DLGAP4: variants seen among roughly 807,000 people sequenced by gnomAD.
DLGAP4 encodes the protein DLG associated protein 4.
DLGAP4 carries 18 observed loss-of-function variants against 86.9 expected under a neutral mutation model. The observed-to-expected ratio is 0.21, with a 90% CI of 0.14 to 0.31. DLGAP4 has a LOEUF of 0.31. Among genes scored for constraint, DLGAP4 ranks in the 10% least tolerant of loss-of-function variants. The pLI is 1.00. For synonymous variants in DLGAP4, 548 were observed against 574.3 expected, an observed-to-expected ratio of 0.95 and a Z score of 0.65; for missense variants, 1,085 against 1,362.6, an observed-to-expected ratio of 0.80 and a Z score of 3.21.
intron 7 of DLGAP4, among the ~76,000 whole-genome samples, chr20:36,495,976 A>G (rs2035868793): frequency 6.6e-6 from 1 of 152,106 alleles, no homozygotes; most frequent in African/African-American, 2.4e-5. Context: ...AGGTTCAAGC[A>G]GTTCTCCTGC....
chr20:36,425,378 G>GAT (rs1485639193), intron 2 of DLGAP4, among the ~76,000 whole-genome samples: 4 of 152,188 alleles, frequency 2.6e-5, no homozygotes, highest in Non-Finnish European at 5.9e-5. Flanking sequence ...GCCACAGGGA[G>GAT]ATACCAGTTC....
intron 7 of DLGAP4, chr20:36,461,672 G>GCCCCCC: frequency 2.1e-5 from 1 of 47,820 alleles, no homozygotes; most frequent in Non-Finnish European, 2.7e-5. Context: ...CGCCCGGCCC[G>GCCCCCC]GCCCGGCCCT....
At chr20:36,354,715 C>G (rs2147393826) in intron 1 of DLGAP4, among the ~76,000 whole-genome samples, 2 of 152,212 alleles carry the variant, frequency 1.3e-5, no homozygotes, top group South Asian at 4.2e-4. Flanking sequence ...TCACTTGAGC[C>G]TAAGAGTTTG....
intron 2 of DLGAP4, among the ~76,000 whole-genome samples, chr20:36,422,992 G>A (rs2032870131): frequency 6.6e-6 from 1 of 152,134 alleles, no homozygotes; most frequent in African/African-American, 2.4e-5. Flanking sequence ...GGGTGGCTGA[G>A]GGCCTGTCAC....
At position 36,527,314 on chromosome 20, in the gene DLGAP4, G is replaced by A. The variant is rs45451895; in HGVS notation, c.*283G>A. 1,205 of 283,006 alleles carry A rather than the reference G, an allele frequency of 4.3e-3. 7 individuals carry two copies. Among genetic ancestry groups the A allele is most frequent in the Middle Eastern group, 0.011 (9 of 850 alleles). 17.5% of individuals were successfully genotyped at this position (283,006 alleles called of 1,614,324 possible). A position where few individuals can be genotyped will look rare whatever the true frequency, so the allele number is the denominator to read the frequency against. On this transcript the variant is annotated 3_prime_UTR_variant, in exon 13 of 13. Coordinates refer to ENST00000339266, the MANE Select transcript of DLGAP4 (RefSeq NM_001365621.2). ...GTGGTGGACTAGATAGATGGACGTC[G>A]GCAACTCCCGGCCCAGCCTCCATAC...
intron 7 of DLGAP4, among the ~76,000 whole-genome samples, chr20:36,469,139 G>C (rs2034545987): frequency 6.6e-6 from 1 of 152,156 alleles, no homozygotes; most frequent in East Asian, 1.9e-4. Context: ...GCTCACTGTG[G>C]CTGAGCTACT....
intron 1 of DLGAP4, among the ~76,000 whole-genome samples, chr20:36,329,647 A>T (rs933992506): frequency 6.6e-6 from 1 of 152,236 alleles, no homozygotes; most frequent in African/African-American, 2.4e-5. Flanking sequence ...CTGTAATCCC[A>T]GCACTTTGGG....
chr20:36,365,875 C>T (rs1248878185), intron 1 of DLGAP4, among the ~76,000 whole-genome samples: 1 of 152,174 alleles, frequency 6.6e-6, no homozygotes, highest in Non-Finnish European at 1.5e-5. Flanking sequence ...AGGGCTCAGA[C>T]GTGGAAAGCC....
At position 36,462,691 on chromosome 20, in the gene DLGAP4, G is replaced by A. The variant is rs1307938011; in HGVS notation, c.1648+15754G>A. On this transcript the variant is annotated intron_variant, in intron 7 of 12. Transcript: ENST00000339266. Reference sequence around the variant, plus strand: ...GGGGTTGGCGCTGGGGCAAGGGCTGGCGCTAGGGCAAGGGGGCTCTGAGGC... The same window carrying A: ...GGGGTTGGCGCTGGGGCAAGGGCTGACGCTAGGGCAAGGGGGCTCTGAGGC... 2.7e-6 allele frequency: 4 copies of A among 1,494,734 alleles called. No homozygotes were observed. The African/African-American group carries it at 5.8e-5, about 22-fold the overall frequency. The allele number at this position is 1,494,734 out of a possible 1,614,324, so 92.6% of individuals were successfully genotyped here.
Position 36,500,513 on chromosome 20 carries a change from A to G in DLGAP4, c.2414A>G (p.Tyr805Cys). The change falls in exon 10 of 13, where the codon TAC (tyrosine) becomes TGC (cysteine). Residue 805 changes from tyrosine (Y) to cysteine (C), a missense_variant. Physicochemically the swap from Tyr to Cys is radical, Grantham distance 194. Transcript: ENST00000339266. This position sits in a 1 kb window ranked among gnomAD's most constrained non-coding sequence, Gnocchi z 4.6. ...CCAGGGGCCTGCCGCCGAGACGGCTACTGGTTCCTAAAGCTACTGCAGGCA... is the reference window on the plus strand; with the variant it reads ...CCAGGGGCCTGCCGCCGAGACGGCTGCTGGTTCCTAAAGCTACTGCAGGCA... ...AQPGACRRDG[Y>C]WFLKLLQAET... The G allele has an allele frequency of 1.3e-6, 2 of 1,591,120 alleles. No individual in the cohort carries two copies. The highest frequency in any genetic ancestry group is 1.7e-6 in the Non-Finnish European group (2 of 1,168,706).
intron 2 of DLGAP4, among the ~76,000 whole-genome samples, chr20:36,430,095 A>G (rs953742539): frequency 5.9e-5 from 9 of 152,204 alleles, no homozygotes; most frequent in African/African-American, 2.2e-4. Context: ...GGCAGACAGG[A>G]AGATTGAGGC....
chr20:36,525,254 A>AAAAAAAAAAAAC (rs1569527332), intron 11 of DLGAP4, among the ~76,000 whole-genome samples: 2 of 62,464 alleles, frequency 3.2e-5, no homozygotes, highest in African/African-American at 7.5e-5. Context: ...AAAAAAAAAA[A>AAAAAAAAAAAAC]CAAAGAAATC....
At chr20:36,311,215 C>T (rs2065049990) in intron 1 of DLGAP4, among the ~76,000 whole-genome samples, 1 of 147,106 alleles carries the variant, frequency 6.8e-6, no homozygotes, top group South Asian at 2.1e-4. Context: ...GGGTGGCTGC[C>T]CAAGGTCACT....
At chr20:36,339,618 G>A (rs530825122) in intron 1 of DLGAP4, among the ~76,000 whole-genome samples, 3 of 152,352 alleles carry the variant, frequency 2.0e-5, no homozygotes, top group Admixed American at 6.5e-5. Context: ...AAAACGCTGG[G>A]ACTGCAGGCC....
chr20:36,386,341 C>T (rs897820580), intron 2 of DLGAP4, among the ~76,000 whole-genome samples: 17 of 150,522 alleles, frequency 1.1e-4, no homozygotes, highest in African/African-American at 3.7e-4. Flanking sequence ...CAGCACAGAG[C>T]AAGCATGTTT....
In DLGAP4 at chr20:36,318,329, C is replaced by T. The variant is rs1196901877; in HGVS notation, c.-304+11817C>T. ...GAAGGGGCCACTGTCCTCACAGGAG[C>T]GGAGGCAAGGCATAGAGAGGAAGAG... is the stretch of plus-strand genomic sequence containing the variant. On this transcript the variant is annotated intron_variant, in intron 1 of 12. Coordinates refer to ENST00000339266, the MANE Select transcript of DLGAP4 (RefSeq NM_001365621.2). 5.3e-5 allele frequency among the ~76,000 whole-genome samples: 8 copies of T among 152,224 alleles called. No individual in the cohort carries two copies. The East Asian group carries it at 1.2e-3, about 22-fold the overall frequency.
In DLGAP4 at chr20:36,362,530, G is replaced by GAA. The variant is rs2030554074; in HGVS notation, c.-303-4513_-303-4512dup. On this transcript the variant is annotated intron_variant, in intron 1 of 12. Transcript: ENST00000339266. ...AGAGGTGTGAGCTGGGCTGGAAAGAGAAATGTCACATCTGCGACAAGGAAG... is the reference window on the plus strand; with the variant it reads ...AGAGGTGTGAGCTGGGCTGGAAAGAGAAAAATGTCACATCTGCGACAAGGAAG... 4.6e-5 allele frequency among the ~76,000 whole-genome samples: 7 copies of GAA among 152,172 alleles called. No homozygotes were observed. The South Asian group carries it at 1.4e-3, about 32-fold the overall frequency.
intron 1 of DLGAP4, among the ~76,000 whole-genome samples, chr20:36,342,635 T>TGCAGG (rs1310035789): frequency 6.6e-6 from 1 of 152,196 alleles, no homozygotes; most frequent in Non-Finnish European, 1.5e-5. Flanking sequence ...AATGGGTCAA[T>TGCAGG]GCAGGGCAGG....
chr20:36,463,851 T>C (rs1297990072), intron 7 of DLGAP4, among the ~76,000 whole-genome samples: 1 of 152,136 alleles, frequency 6.6e-6, no homozygotes, highest in African/African-American at 2.4e-5. Flanking sequence ...CCTAGAACTT[T>C]GGTGCAGGGA....
Sources: allele counts gnomAD v4.1 joint callset (sites outside exome capture counted in the v4.1 genomes callset), GRCh38; gene constraint gnomAD v4.1.1; non-coding constraint Gnocchi (gnomAD v3.1); transcripts MANE v1.5; gene names NCBI Gene and HGNC (gene_info 2026-07-23, HGNC 2026-07-21).